The following MAP3K4 variants were observed in gnomAD, a reference collection of about 807,000 sequenced individuals.
MAP3K4 encodes the protein mitogen-activated protein kinase kinase kinase 4, also known as MAP three kinase 1.
Under a neutral mutation model 185.6 loss-of-function variants are expected in MAP3K4, and 67 were observed. The ratio of observed to expected loss-of-function variants is 0.36; its 90% CI spans 0.30 to 0.44. The LOEUF is 0.44. MAP3K4 is among the 20% of genes least tolerant of loss of function. MAP3K4 has a pLI of 1.00. For synonymous variants in MAP3K4, 702 were observed against 710.4 expected (o/e 0.99, Z 0.19); for missense variants, 1,551 against 1,995.1 (o/e 0.78, Z 4.24).
intron 3 of MAP3K4, among the ~76,000 whole-genome samples, chr6:161,060,573 A>G (rs1042006885): frequency 1.4e-5 from 2 of 148,028 alleles, no homozygotes; most frequent in Admixed American, 6.7e-5. Context: ...CTGACATTGT[A>G]TATCTGTTCC....
In MAP3K4 at chr6:161,102,729, G is replaced by C. The variant is rs906974055; in HGVS notation, c.3806G>C (p.Gly1269Ala). ...GCATATCCAAGAGGAGATTCAAGTG[G>C]GTCCACAAGAAGAAGTTGGGAACTT... ...EPAYPRGDSS[G>A]STRRSWELRT... The change falls in exon 19 of 27, where the codon GGG becomes GCG. Residue 1269 changes from glycine to alanine, a missense_variant. By Grantham distance (60) the Gly-to-Ala change is moderately conservative. This residue lies in a region of MAP3K4 where 272 missense variants were observed against 301.2 expected (regional missense o/e 0.90). Transcript: ENST00000392142. 3 of 1,600,456 alleles carry C rather than the reference G, an allele frequency of 1.9e-6. No individual in the cohort carries two copies. The highest frequency in any genetic ancestry group is 1.3e-5 in the African/African-American group (1 of 74,084).
chr6:161,032,290 T>G (rs1445982653), intron 1 of MAP3K4, among the ~76,000 whole-genome samples: 1 of 152,118 alleles, frequency 6.6e-6, no homozygotes, highest in Non-Finnish European at 1.5e-5. Flanking sequence ...TCTCTTAAGG[T>G]GAAGCAGATA....
chr6:161,041,460 T>TA (rs1359322557), intron 2 of MAP3K4, among the ~76,000 whole-genome samples: 1 of 152,190 alleles, frequency 6.6e-6, no homozygotes, highest in Non-Finnish European at 1.5e-5. Context: ...ACCCCTGAGA[T>TA]ACGGCCATTT....
chr6:161,000,193 C>A (rs911282955), intron 1 of MAP3K4, among the ~76,000 whole-genome samples: 5 of 152,162 alleles, frequency 3.3e-5, no homozygotes, highest in Admixed American at 6.5e-5. Flanking sequence ...TCAAATAATT[C>A]TTATTCTGTT....
rs565397712 is a variant in MAP3K4, at chr6:161,080,592, T to G, written c.2098-289T>G. ...TGAAAAGTTCTGGGTACTGTTCTTT[T>G]GATTTTTTCCCCTTTATTGTAGATT... On this transcript the variant is annotated intron_variant, in intron 5 of 26. Coordinates refer to ENST00000392142, the MANE Select transcript of MAP3K4 (RefSeq NM_005922.4). This position sits in a 1 kb window ranked among gnomAD's most constrained non-coding sequence, Gnocchi z 4.8. The G allele has an allele frequency of 6.1e-5, 22 of 363,204 alleles. 1 individual carries two copies. Among genetic ancestry groups the G allele is most frequent in the South Asian group, 5.7e-4 (22 of 38,316 alleles). The allele number at this position is 363,204 out of a possible 1,614,324, so 22.5% of individuals were successfully genotyped here.
chr6:161,012,964 C>T (rs539014262), intron 1 of MAP3K4, among the ~76,000 whole-genome samples: 1 of 152,146 alleles, frequency 6.6e-6, no homozygotes, highest in Non-Finnish European at 1.5e-5. Flanking sequence ...CCAGTTTCTT[C>T]TTCTAGACAA....
chr6:160,997,015 T>C (rs1205743463), intron 1 of MAP3K4, among the ~76,000 whole-genome samples: 1 of 152,206 alleles, frequency 6.6e-6, no homozygotes, highest in Admixed American at 6.5e-5. Flanking sequence ...AGGCTGCTTT[T>C]TTCCCTTGTG....
chr6:161,056,154 G>A lies in MAP3K4; in HGVS notation c.1707+6175G>A, dbSNP rs1325168718. 6.6e-6 allele frequency among the ~76,000 whole-genome samples: 1 copy of A among 152,100 alleles called. No individual in the cohort carries two copies. The highest frequency in any genetic ancestry group is 1.5e-5 in the Non-Finnish European group (1 of 68,014). ...GTTTGATATGCTCCCCTCTTTTGTT[G>A]TATTATTTTCCTTTTGATTTGCTTT... On this transcript the variant is annotated intron_variant, in intron 3 of 26. Transcript: ENST00000392142. This position sits in a 1 kb window ranked among gnomAD's most constrained non-coding sequence, Gnocchi z 5.4.
chr6:161,107,101 G>T lies in MAP3K4; in HGVS notation c.4048+396G>T, dbSNP rs1463882889. ...ACACGCAGAACGTGATTTGAAGAGA[G>T]ACTGGATACAAATGAGGGCAAGACA... On this transcript the variant is annotated intron_variant, in intron 20 of 26. Coordinates refer to ENST00000392142, the MANE Select transcript of MAP3K4 (RefSeq NM_005922.4). The surrounding 1 kb of genome is among the most constrained non-coding windows in gnomAD (Gnocchi z 6.2). Among the ~76,000 whole-genome samples, 1 of 151,832 alleles carries T rather than the reference G, an allele frequency of 6.6e-6. No individual in the cohort carries two copies. The highest frequency in any genetic ancestry group is 1.5e-5 in the Non-Finnish European group (1 of 68,016).
chr6:161,015,274 A>G (rs1431747980), intron 1 of MAP3K4, among the ~76,000 whole-genome samples: 2 of 150,142 alleles, frequency 1.3e-5, no homozygotes, highest in Non-Finnish European at 3.0e-5. Context: ...ACATGGACAC[A>G]TGGGGGGGAA....
rs1245687876 is a variant in MAP3K4, at chr6:161,107,283, C to T, written c.4048+578C>T. Among the ~76,000 whole-genome samples, 1 of 152,086 alleles carries T rather than the reference C, an allele frequency of 6.6e-6. No individual in the cohort carries two copies. The highest frequency in any genetic ancestry group is 2.4e-5 in the African/African-American group (1 of 41,406). ...GTCACACATCTAGGTCTGAAGGGGG[C>T]GAACACAGTTGTATGAATAATATGG... On this transcript the variant is annotated intron_variant, in intron 20 of 26. Coordinates refer to ENST00000392142, the MANE Select transcript of MAP3K4 (RefSeq NM_005922.4). This position sits in a 1 kb window ranked among gnomAD's most constrained non-coding sequence, Gnocchi z 6.2.
rs1781717808 is a variant in MAP3K4 at position 161,008,902 on chromosome 6, G to A, written c.152+16819G>A. 6.6e-6 allele frequency among the ~76,000 whole-genome samples: 1 copy of A among 151,606 alleles called. No homozygotes were observed. The highest frequency in any genetic ancestry group is 2.4e-5 in the African/African-American group (1 of 41,256). On this transcript the variant is annotated intron_variant, in intron 1 of 26. Coordinates refer to ENST00000392142, the MANE Select transcript of MAP3K4 (RefSeq NM_005922.4). This position sits in a 1 kb window ranked among gnomAD's most constrained non-coding sequence, Gnocchi z 4.1. ...TGTAAAATACTTGTTACTGCAAAAT[G>A]TGTAACATTTTGCTCAATGGGTATA...
chr6:161,002,950 A>G (rs1230596716), intron 1 of MAP3K4, among the ~76,000 whole-genome samples: 1 of 152,086 alleles, frequency 6.6e-6, no homozygotes, highest in African/African-American at 2.4e-5. Context: ...CTGCCATATC[A>G]TGAGCATTTT....
In MAP3K4 at chr6:161,017,112, C is replaced by A. The variant is rs1782152802; in HGVS notation, c.153-17147C>A. Among the ~76,000 whole-genome samples, 1 of 151,966 alleles carries A rather than the reference C, an allele frequency of 6.6e-6. No homozygotes were observed. The highest frequency in any genetic ancestry group is 1.5e-5 in the Non-Finnish European group (1 of 67,968). On this transcript the variant is annotated intron_variant, in intron 1 of 26. Coordinates refer to ENST00000392142, the MANE Select transcript of MAP3K4 (RefSeq NM_005922.4). The surrounding 1 kb of genome is among the most constrained non-coding windows in gnomAD (Gnocchi z 5.1). ...AAGAATTTTAGAAGCGAAAAAAGAACAACAAAGGCCTTAGTTTAACCAACA... is the reference window on the plus strand; with the variant it reads ...AAGAATTTTAGAAGCGAAAAAAGAAAAACAAAGGCCTTAGTTTAACCAACA...
At position 161,108,512 on chromosome 6, in the gene MAP3K4, T is replaced by TC. The variant is rs147519246; in HGVS notation, c.4120-228dup. Among the ~76,000 whole-genome samples the TC allele has an allele frequency of 3.8e-3, 573 of 152,214 alleles. 6 individuals are homozygous for TC. The Middle Eastern group carries it at 0.054, about 14-fold the overall frequency. Reference sequence around the variant, plus strand: ...TCCTCCTCCACATGGCGCTCCTCACTCCCTCTCGGAGCAGGGCCTCTTCCT... The same window carrying TC: ...TCCTCCTCCACATGGCGCTCCTCACTCCCCTCTCGGAGCAGGGCCTCTTCCT... On this transcript the variant is annotated intron_variant, in intron 21 of 26. Coordinates refer to ENST00000392142, the MANE Select transcript of MAP3K4 (RefSeq NM_005922.4). This position sits in a 1 kb window ranked among gnomAD's most constrained non-coding sequence, Gnocchi z 5.7.
At chr6:161,085,802 G>GA (rs1028000557) in intron 7 of MAP3K4, among the ~76,000 whole-genome samples, 1 of 152,202 alleles carries the variant, frequency 6.6e-6, no homozygotes, top group African/African-American at 2.4e-5. Flanking sequence ...TGGTGAACTA[G>GA]AGAGCGGTTC....
rs117740277 is a variant in MAP3K4, at chr6:161,007,009, A to G, written c.152+14926A>G. ...TGGAGATTGACAAACTGTAAAATCAAAAGTAACCAGCAACAGAAATAAAGC... is the reference window on the plus strand; with the variant it reads ...TGGAGATTGACAAACTGTAAAATCAGAAGTAACCAGCAACAGAAATAAAGC... On this transcript the variant is annotated intron_variant, in intron 1 of 26. Transcript: ENST00000392142. This position sits in a 1 kb window ranked among gnomAD's most constrained non-coding sequence, Gnocchi z 4.5. 9.4e-3 allele frequency among the ~76,000 whole-genome samples: 1,435 copies of G among 152,354 alleles called. 14 individuals carry two copies. Among genetic ancestry groups the G allele is most frequent in the Middle Eastern group, 0.017 (5 of 294 alleles).
chr6:161,099,935 T>C (rs1186517150), intron 17 of MAP3K4, among the ~76,000 whole-genome samples: 1 of 152,264 alleles, frequency 6.6e-6, no homozygotes, highest in Non-Finnish European at 1.5e-5. Flanking sequence ...ATTTCATAAG[T>C]ATTCATCTTA....
At chr6:161,026,107 G>A (rs968260620) in intron 1 of MAP3K4, among the ~76,000 whole-genome samples, 6 of 152,022 alleles carry the variant, frequency 3.9e-5, no homozygotes, top group African/African-American at 1.2e-4. Context: ...ACTGCTGTGT[G>A]GTCAGGCCCA....
Sources: allele counts gnomAD v4.1 joint callset (sites outside exome capture counted in the v4.1 genomes callset), GRCh38; gene constraint gnomAD v4.1.1; regional missense constraint gnomAD v4.1.1; non-coding constraint Gnocchi (gnomAD v3.1); transcripts MANE v1.5; gene names NCBI Gene and HGNC (gene_info 2026-07-23, HGNC 2026-07-21).